The following DNER variants were observed in gnomAD, a reference collection of about 807,000 sequenced individuals.
DNER encodes the protein delta/notch like EGF repeat containing, also known as delta and Notch-like epidermal growth factor-related receptor.
A neutral mutation model predicts 78.2 loss-of-function variants in DNER; 33 were observed. The ratio of observed to expected loss-of-function variants is 0.42; its 90% CI spans 0.32 to 0.56. DNER has a LOEUF of 0.56. DNER is among the 20% of genes least tolerant of loss of function. DNER has a pLI of 0.11. For synonymous variants in DNER, 417 were observed against 384.8 expected (o/e 1.08, Z -0.98); for missense variants, 918 against 975.3 (o/e 0.94, Z 0.78).
At chr2:229,583,473 A>G (rs1697437721) in intron 4 of DNER, among the ~76,000 whole-genome samples, 1 of 152,272 alleles carries the variant, frequency 6.6e-6, no homozygotes, top group East Asian at 1.9e-4. Flanking sequence ...GGTGCTTGAA[A>G]TACAGCTTAT....
At chr2:229,589,091 G>T (rs563436311) in intron 2 of DNER, among the ~76,000 whole-genome samples, 1 of 152,264 alleles carries the variant, frequency 6.6e-6, no homozygotes, top group African/African-American at 2.4e-5. Flanking sequence ...TTAAAAAGGA[G>T]ATCAATTGGT....
At chr2:229,427,809 GCTCA>G (rs1227421417) in intron 8 of DNER, among the ~76,000 whole-genome samples, 1 of 152,188 alleles carries the variant, frequency 6.6e-6, no homozygotes, top group Non-Finnish European at 1.5e-5. Flanking sequence ...GGGCATGGTG[GCTCA>G]CGCCTGTAAT....
At chr2:229,634,121 G>T (rs992720235) in intron 1 of DNER, among the ~76,000 whole-genome samples, 2 of 152,220 alleles carry the variant, frequency 1.3e-5, no homozygotes, top group African/African-American at 4.8e-5. Context: ...AAAGAAGGCA[G>T]CTTAAGGAGG....
chr2:229,524,359 C>T (rs750093258), intron 5 of DNER, among the ~76,000 whole-genome samples: 3 of 152,148 alleles, frequency 2.0e-5, no homozygotes, highest in African/African-American at 7.2e-5. Flanking sequence ...ATGTGCGTAA[C>T]CCAAAGATGC....
Position 229,688,721 on chromosome 2 carries a change from T to G in DNER, c.276+25427A>C, listed in dbSNP as rs532538536. ...GAGCACATATTTAAAATAAACCTAT[T>G]CATGGTAGCAAAGACATGGAATCAG... On this transcript the variant is annotated intron_variant, in intron 1 of 12. Coordinates refer to ENST00000341772, the MANE Select transcript of DNER (RefSeq NM_139072.4). Among the ~76,000 whole-genome samples the G allele has an allele frequency of 3.3e-5, 5 of 152,262 alleles. No homozygotes were observed. In the South Asian group the frequency reaches 1.0e-3, roughly 32 times the overall value.
chr2:229,639,854 C>T (rs1421004261), intron 1 of DNER, among the ~76,000 whole-genome samples: 1 of 152,140 alleles, frequency 6.6e-6, no homozygotes, highest in Non-Finnish European at 1.5e-5. Context: ...GATCCAGTGT[C>T]GGACTCAGGA....
At chr2:229,695,701 G>A (rs963370555) in intron 1 of DNER, among the ~76,000 whole-genome samples, 2 of 152,130 alleles carry the variant, frequency 1.3e-5, no homozygotes, top group African/African-American at 4.8e-5. Context: ...AAATTGCATT[G>A]AAAAACAAAG....
intron 11 of DNER, among the ~76,000 whole-genome samples, chr2:229,373,398 T>C (rs374904749): frequency 5.3e-5 from 8 of 152,092 alleles, no homozygotes; most frequent in East Asian, 1.9e-4. Context: ...AATAAGATAA[T>C]CACGTCCCAC....
chr2:229,622,174 T>C (rs1698261955), intron 1 of DNER, among the ~76,000 whole-genome samples: 1 of 152,232 alleles, frequency 6.6e-6, no homozygotes, highest in Admixed American at 6.5e-5. Flanking sequence ...AAGAGGGCTA[T>C]AATTCTCATC....
chr2:229,655,511 C>T (rs1421873642), intron 1 of DNER, among the ~76,000 whole-genome samples: 2 of 152,106 alleles, frequency 1.3e-5, no homozygotes, highest in Non-Finnish European at 2.9e-5. Context: ...TACGACAGTT[C>T]AGAAGGTCTA....
At chr2:229,476,500 G>C (rs1389600805) in intron 7 of DNER, among the ~76,000 whole-genome samples, 1 of 152,136 alleles carries the variant, frequency 6.6e-6, no homozygotes, top group Admixed American at 6.5e-5. Context: ...AAGCTTACAT[G>C]CTGGTTCTAA....
At chr2:229,452,323 G>A (rs1205686284) in intron 7 of DNER, among the ~76,000 whole-genome samples, 5 of 152,148 alleles carry the variant, frequency 3.3e-5, no homozygotes, top group African/African-American at 7.2e-5. Flanking sequence ...GGACCACTTG[G>A]ACTGTAGAAG....
chr2:229,358,431 GA>G lies in DNER; in HGVS notation c.*108del. The G allele has an allele frequency of 1.1e-5, 10 of 891,048 alleles. No homozygotes were observed. The highest frequency in any genetic ancestry group is 1.6e-5 in the Non-Finnish European group (10 of 623,410). 55.2% of individuals were successfully genotyped at this position (891,048 alleles called of 1,614,324 possible). A position where few individuals can be genotyped will look rare whatever the true frequency, so the allele number is the denominator to read the frequency against. On this transcript the variant is annotated 3_prime_UTR_variant, in exon 13 of 13. Transcript: ENST00000341772. ...AAAATTAGTTCTTAAATATTCTACTGAAAACTCTTGAGCAGCTAGCATTTTA... is the reference window on the plus strand; with the variant it reads ...AAAATTAGTTCTTAAATATTCTACTGAAACTCTTGAGCAGCTAGCATTTTA...
At chr2:229,405,048 G>A (rs1693351314) in intron 10 of DNER, among the ~76,000 whole-genome samples, 3 of 152,098 alleles carry the variant, frequency 2.0e-5, no homozygotes, top group Admixed American at 6.5e-5. Context: ...TTAAAATAAA[G>A]GGCTATTTCA....
intron 12 of DNER, among the ~76,000 whole-genome samples, chr2:229,365,697 A>G (rs567529079): frequency 2.0e-5 from 3 of 152,302 alleles, no homozygotes; most frequent in East Asian, 3.9e-4. Flanking sequence ...TGGCCTCCCA[A>G]TGTGCTGGGA....
chr2:229,421,178 A>T (rs1388775074), intron 8 of DNER, among the ~76,000 whole-genome samples: 1 of 152,194 alleles, frequency 6.6e-6, no homozygotes, highest in East Asian at 1.9e-4. Context: ...ACAGAAGGAC[A>T]AATACTGTAT....
chr2:229,508,737 C>G (rs545279709), intron 6 of DNER, among the ~76,000 whole-genome samples: 1 of 151,886 alleles, frequency 6.6e-6, no homozygotes, highest in African/African-American at 2.4e-5. Context: ...AAAAATTAGC[C>G]GGGCGTGGTG....
intron 1 of DNER, among the ~76,000 whole-genome samples, chr2:229,638,888 C>T (rs1306616136): frequency 1.3e-5 from 2 of 152,170 alleles, no homozygotes; most frequent in East Asian, 3.9e-4. Flanking sequence ...AATTAGGTTC[C>T]TAATCCAAAA....
chr2:229,388,316 C>G lies in DNER; in HGVS notation c.1804G>C (p.Gly602Arg). The part of the protein sequence containing the change: ...HGGSCLDQPN[G>R]YNCHCPHGWV... ...CCATGCGGGCAGTGGCAGTTATAAC[C>G]ATTGGGCTGGTCCAGGCAGCTCCCA... is the stretch of plus-strand genomic sequence containing the variant. Residue 602 changes from glycine (G) to arginine (R), a missense_variant, in exon 11 of 13, where the codon GGT becomes CGT. Physicochemically the swap from Gly to Arg is moderately radical, Grantham distance 125 (BLOSUM62 -2). Coordinates refer to ENST00000341772, the MANE Select transcript of DNER (RefSeq NM_139072.4). 1 of 1,611,660 alleles carries G rather than the reference C, an allele frequency of 6.2e-7. No homozygotes were observed. The highest frequency in any genetic ancestry group is 8.5e-7 in the Non-Finnish European group (1 of 1,178,754).
Sources: gnomAD v4.1 joint callset for allele counts (sites outside exome capture counted in the v4.1 genomes callset) on GRCh38, gnomAD v4.1.1 for gene constraint, MANE v1.5 for transcripts, NCBI Gene and HGNC (gene_info 2026-07-23, HGNC 2026-07-21) for gene names.